The following AFF3 variants were observed in gnomAD, a reference collection of about 807,000 sequenced individuals.
AFF3 encodes the protein ALF transcription elongation factor 3.
AFF3 carries 32 observed loss-of-function variants against 129.7 expected under a neutral mutation model. That is an observed-to-expected ratio of 0.25 (90% CI 0.19 to 0.33). AFF3 has a LOEUF of 0.33. AFF3 is among the 10% of genes least tolerant of loss of function. AFF3 has a pLI of 1.00. For missense variants in AFF3, 1,373 were observed against 1,592.0 expected, an observed-to-expected ratio of 0.86 and a Z score of 2.34; for synonymous variants, 644 against 635.4, an observed-to-expected ratio of 1.01 and a Z score of -0.20.
At chr2:99,589,483 C>A (rs777030780) in intron 15 of AFF3, among the ~76,000 whole-genome samples, 1 of 147,158 alleles carries the variant, frequency 6.8e-6, no homozygotes, top group Non-Finnish European at 1.5e-5. Context: ...CTCAGTGCAG[C>A]CTCTGCCTCC....
chr2:99,761,153 C>T (rs1452947484), intron 8 of AFF3, among the ~76,000 whole-genome samples: 6 of 150,720 alleles, frequency 4.0e-5, no homozygotes, highest in Admixed American at 1.3e-4. Flanking sequence ...ACACAGATGT[C>T]TAGTTACTCA....
intron 7 of AFF3, among the ~76,000 whole-genome samples, chr2:99,876,539 G>T (rs560020237): frequency 6.6e-6 from 1 of 151,852 alleles, no homozygotes; most frequent in African/African-American, 2.4e-5. Context: ...CCTCTCCCCC[G>T]GCCTGTGTCC....
chr2:99,766,338 A>C (rs370626353), intron 8 of AFF3, among the ~76,000 whole-genome samples: 13 of 152,332 alleles, frequency 8.5e-5, no homozygotes, highest in African/African-American at 3.1e-4. Flanking sequence ...AACTTTATGC[A>C]AGTATTTTTC....
At chr2:99,877,402 G>A (rs1218066168) in intron 7 of AFF3, among the ~76,000 whole-genome samples, 1 of 152,130 alleles carries the variant, frequency 6.6e-6, no homozygotes, top group Non-Finnish European at 1.5e-5. Context: ...TGGGGACTTG[G>A]GAAAATGCTA....
At chr2:99,803,301 A>G (rs541750699) in intron 8 of AFF3, among the ~76,000 whole-genome samples, 1 of 152,266 alleles carries the variant, frequency 6.6e-6, no homozygotes, top group South Asian at 2.1e-4. Flanking sequence ...ATGGTGAATT[A>G]TCTTTTTGAT....
At chr2:99,928,299 A>T (rs1696422182) in intron 7 of AFF3, among the ~76,000 whole-genome samples, 1 of 152,122 alleles carries the variant, frequency 6.6e-6, no homozygotes, top group Non-Finnish European at 1.5e-5. Context: ...TGAAAATCTC[A>T]ACGCAGCAGG....
intron 7 of AFF3, among the ~76,000 whole-genome samples, chr2:99,998,806 T>C (rs1047450192): frequency 1.3e-5 from 2 of 152,166 alleles, no homozygotes; most frequent in African/African-American, 2.4e-5. Flanking sequence ...GGTAAAGTAC[T>C]AAATGGCATG....
intron 13 of AFF3, among the ~76,000 whole-genome samples, chr2:99,620,666 T>G (rs1281185233): frequency 1.3e-5 from 2 of 152,100 alleles, no homozygotes. Flanking sequence ...CCTCTGAAAC[T>G]TTGGATATTT....
intron 7 of AFF3, among the ~76,000 whole-genome samples, chr2:99,890,215 G>A (rs1693446200): frequency 6.6e-6 from 1 of 152,144 alleles, no homozygotes; most frequent in Non-Finnish European, 1.5e-5. Context: ...AAAACTACAG[G>A]TGGCCACTTC....
In AFF3 at chr2:100,130,783, A is replaced by G. The variant is rs1009187887; in HGVS notation, c.-227-1477T>C. 2.0e-5 allele frequency among the ~76,000 whole-genome samples: 3 copies of G among 152,096 alleles called. No individual in the cohort carries two copies. The East Asian group carries it at 5.8e-4, about 29-fold the overall frequency. On this transcript the variant is annotated intron_variant, in intron 1 of 24. Coordinates refer to ENST00000672756, the MANE Select transcript of AFF3 (RefSeq NM_001386135.1). ...CATGAGCTACCTCCAGGACAGCCCC[A>G]CAGAGACAGCCCCACAGAGACAGAG...
chr2:100,068,101 A>T (rs1024590430), intron 4 of AFF3, among the ~76,000 whole-genome samples: 1 of 152,238 alleles, frequency 6.6e-6, no homozygotes, highest in Admixed American at 6.5e-5. Context: ...GAAGGCCGCA[A>T]GATCACAAGC....
At chr2:99,880,648 T>G (rs1282684630) in intron 7 of AFF3, among the ~76,000 whole-genome samples, 2 of 152,154 alleles carry the variant, frequency 1.3e-5, no homozygotes, top group South Asian at 4.1e-4. Flanking sequence ...CTACCCACCC[T>G]GGAAAAAAAT....
chr2:99,716,983 A>G (rs1381458654), intron 11 of AFF3, among the ~76,000 whole-genome samples: 1 of 152,058 alleles, frequency 6.6e-6, no homozygotes, highest in East Asian at 1.9e-4. Context: ...ACTTCACATA[A>G]AGCAAATTTT....
intron 7 of AFF3, among the ~76,000 whole-genome samples, chr2:99,898,777 C>T (rs552847157): frequency 6.6e-6 from 1 of 152,314 alleles, no homozygotes; most frequent in South Asian, 2.1e-4. Context: ...ACATTTTCAT[C>T]TCAGCATAAA....
intron 11 of AFF3, among the ~76,000 whole-genome samples, chr2:99,703,698 T>A (rs1251614142): frequency 6.6e-6 from 1 of 152,120 alleles, no homozygotes; most frequent in Non-Finnish European, 1.5e-5. Flanking sequence ...TTTTTCTTCT[T>A]TTTTCTTTTT....
chr2:99,786,859 G>C (rs1376987610), intron 8 of AFF3, among the ~76,000 whole-genome samples: 1 of 152,056 alleles, frequency 6.6e-6, no homozygotes, highest in Non-Finnish European at 1.5e-5. Flanking sequence ...CTGACACTTG[G>C]TCTCATTAGT....
chr2:99,727,650 C>T (rs529407084), intron 10 of AFF3, among the ~76,000 whole-genome samples: 8 of 151,556 alleles, frequency 5.3e-5, no homozygotes, highest in African/African-American at 1.9e-4. Flanking sequence ...CAACCTCCAC[C>T]TCCCGGGTTC....
chr2:99,726,371 C>T (rs1679363865), intron 11 of AFF3, among the ~76,000 whole-genome samples: 1 of 152,140 alleles, frequency 6.6e-6, no homozygotes, highest in South Asian at 2.1e-4. Context: ...CATGCCACTG[C>T]TCATAAGTGA....
At chr2:99,650,502 T>C (rs1490907225) in intron 12 of AFF3, among the ~76,000 whole-genome samples, 6 of 152,108 alleles carry the variant, frequency 3.9e-5, no homozygotes, top group Non-Finnish European at 8.8e-5. Flanking sequence ...GAGGTTGCAG[T>C]GAGCCAAGAT....
Sources: allele counts gnomAD v4.1 joint callset (sites outside exome capture counted in the v4.1 genomes callset), GRCh38; gene constraint gnomAD v4.1.1; transcripts MANE v1.5; gene names NCBI Gene and HGNC (gene_info 2026-07-23, HGNC 2026-07-21).